Variants in GRAMD2B observed in about 807,000 individuals in gnomAD.
GRAMD2B encodes GRAM domain-containing protein 2B.
GRAMD2B carries 41 observed loss-of-function variants against 59.2 expected under a neutral mutation model. That is an observed-to-expected ratio of 0.69 (90% confidence interval 0.54 to 0.90). GRAMD2B has a LOEUF of 0.90. Ranked by LOEUF, GRAMD2B falls within the 40% of genes least tolerant of loss-of-function variation. GRAMD2B has a pLI of 0.00. For synonymous variants in GRAMD2B, 161 were observed against 182.7 expected, an observed-to-expected ratio of 0.88 and a Z score of 0.96; for missense variants, 424 against 500.5, an observed-to-expected ratio of 0.85 and a Z score of 1.46.
chr5:126,418,464 C>T (rs1272670064), upstream of GRAMD2B, among the ~76,000 whole-genome samples: 1 of 152,166 alleles, frequency 6.6e-6, no homozygotes, highest in Admixed American at 6.5e-5. Flanking sequence ...TGCCATCTTG[C>T]CTATTCCTCT....
At chr5:126,416,475 A>G (rs1261416012) in intron 1 of GRAMD2B, among the ~76,000 whole-genome samples, 2 of 152,226 alleles carry the variant, frequency 1.3e-5, no homozygotes, top group Non-Finnish European at 2.9e-5. Flanking sequence ...ACAAATATTT[A>G]TTGAGCATCT....
Position 126,466,291 on chromosome 5 carries a change from C to T in GRAMD2B, c.203+746C>T, listed in dbSNP as rs1768375731. On this transcript the variant is annotated intron_variant, in intron 2 of 13. Transcript: ENST00000285689. ...GCTTTTTGCTTCCTTCCTGGCTTCC[C>T]AGCCCATATCTTCTCTCCAAATCTA... is the stretch of plus-strand genomic sequence containing the variant. 3 of 1,532,516 alleles carry T rather than the reference C, an allele frequency of 2.0e-6. No homozygotes were observed. The South Asian group carries it at 3.6e-5, about 18-fold the overall frequency. 94.9% of individuals were successfully genotyped at this position (1,532,516 alleles called of 1,614,324 possible).
At chr5:126,360,123 C>T (rs989884058), upstream of GRAMD2B, 6 of 539,412 alleles carry the variant, frequency 1.1e-5, no homozygotes, top group Non-Finnish European at 2.0e-5. Context: ...TTTCTGTGGT[C>T]ATTTGCTTTC....
intron 1 of GRAMD2B, among the ~76,000 whole-genome samples, chr5:126,363,646 T>C (rs1210499659): frequency 3.3e-5 from 5 of 152,156 alleles, no homozygotes; most frequent in African/African-American, 4.8e-5. Flanking sequence ...TTTGAAAACA[T>C]TGTAGGTGAA....
At chr5:126,446,149 C>T (rs925386647) in intron 1 of GRAMD2B, among the ~76,000 whole-genome samples, 1 of 152,128 alleles carries the variant, frequency 6.6e-6, no homozygotes, top group Non-Finnish European at 1.5e-5. Context: ...AAATCAATTA[C>T]AATTTTTAGC....
At chr5:126,409,866 T>C (rs1252643791) in intron 1 of GRAMD2B, among the ~76,000 whole-genome samples, 4 of 152,054 alleles carry the variant, frequency 2.6e-5, no homozygotes, top group African/African-American at 7.3e-5. Flanking sequence ...AATTTTTGTA[T>C]AAGGTGTAAG....
intron 1 of GRAMD2B, among the ~76,000 whole-genome samples, chr5:126,360,988 T>C (rs534735740): frequency 5.9e-5 from 9 of 152,358 alleles, no homozygotes; most frequent in Non-Finnish European, 8.8e-5. Flanking sequence ...TATGAGCTCC[T>C]TGTAAGCAGG....
chr5:126,454,713 C>T (rs1490986808), intron 1 of GRAMD2B, among the ~76,000 whole-genome samples: 1 of 152,092 alleles, frequency 6.6e-6, no homozygotes, highest in East Asian at 1.9e-4. Flanking sequence ...GTTACTGGAG[C>T]CAGATGGTGG....
upstream of GRAMD2B, among the ~76,000 whole-genome samples, chr5:126,422,437 G>A (rs144704675): frequency 9.6e-4 from 146 of 152,292 alleles, 2 homozygotes; most frequent in East Asian, 0.027. Context: ...GACCTCAAAT[G>A]ATCCACCCGC....
At chr5:126,482,275 A>C (rs1027014773) in intron 8 of GRAMD2B, among the ~76,000 whole-genome samples, 1 of 152,232 alleles carries the variant, frequency 6.6e-6, no homozygotes, top group African/African-American at 2.4e-5. Context: ...AACATTGTGA[A>C]TATTCTAAAC....
At chr5:126,369,300 GA>G, upstream of GRAMD2B, among the ~76,000 whole-genome samples, 1 of 151,654 alleles carries the variant, frequency 6.6e-6, no homozygotes, top group East Asian at 1.9e-4. Context: ...ATGAATGAAT[GA>G]ATGAATTCCA....
exon 1 of GRAMD2B, chr5:126,371,467 A>G: frequency 7.8e-7 from 1 of 1,289,148 alleles, no homozygotes; most frequent in Non-Finnish European, 1.0e-6. Context: ...GCTGCCTTCT[A>G]GTGACACGGT....
At chr5:126,365,670 C>T (rs184686207) in intron 1 of GRAMD2B, among the ~76,000 whole-genome samples, 97 of 151,718 alleles carry the variant, frequency 6.4e-4, no homozygotes, top group Admixed American at 6.0e-3. Flanking sequence ...GGAGTATTTA[C>T]GCTGTGGAAA....
chr5:126,393,429 A>G (rs1278231706), intron 1 of GRAMD2B, among the ~76,000 whole-genome samples: 1 of 152,236 alleles, frequency 6.6e-6, no homozygotes, highest in Admixed American at 6.5e-5. Context: ...AGTTCATGGA[A>G]ATAAATAAAA....
In GRAMD2B at chr5:126,493,505, C is replaced by G. The variant is rs1211513081; in HGVS notation, c.*549C>G. On this transcript the variant is annotated 3_prime_UTR_variant, in exon 14 of 14. Coordinates refer to ENST00000285689, the MANE Select transcript of GRAMD2B (RefSeq NM_023927.4). ...TTTTTTTCAGTTCTCCTGTTATGTTCTGGTTGAAATCACCTGTGTGTCTTA... is the reference window on the plus strand; with the variant it reads ...TTTTTTTCAGTTCTCCTGTTATGTTGTGGTTGAAATCACCTGTGTGTCTTA... 1.3e-5 allele frequency: 2 copies of G among 151,882 alleles called. No individual in the cohort carries two copies. Among genetic ancestry groups the G allele is most frequent in the Admixed American group, 1.3e-4 (2 of 15,246 alleles). The allele number at this position is 151,882 out of a possible 1,614,324, so 9.4% of individuals were successfully genotyped here.
chr5:126,477,666 G>T (rs1770878265), intron 5 of GRAMD2B, 26 bp from the exon 6 acceptor site: 1 of 1,210,038 alleles, frequency 8.3e-7, no homozygotes, highest in East Asian at 2.3e-5. Flanking sequence ...GTCTGAACTG[G>T]CATTAACTTG....
At chr5:126,397,451 T>C (rs1757453865) in intron 1 of GRAMD2B, among the ~76,000 whole-genome samples, 1 of 152,148 alleles carries the variant, frequency 6.6e-6, no homozygotes, top group Non-Finnish European at 1.5e-5. Context: ...TCTTCACTCC[T>C]GAGCTCAAGT....
intron 1 of GRAMD2B, among the ~76,000 whole-genome samples, chr5:126,375,033 A>G (rs1035225613): frequency 1.3e-5 from 2 of 152,232 alleles, no homozygotes; most frequent in African/African-American, 4.8e-5. Flanking sequence ...AAATATACCA[A>G]TTCATAAACA....
At chr5:126,425,494 CTG>C (rs2149786736) in intron 1 of GRAMD2B, among the ~76,000 whole-genome samples, 1 of 152,328 alleles carries the variant, frequency 6.6e-6, no homozygotes, top group Non-Finnish European at 1.5e-5. Flanking sequence ...CAGGCAGGGA[CTG>C]TGGCTCATGC....
Sources: gnomAD v4.1 joint callset for allele counts (sites outside exome capture counted in the v4.1 genomes callset) on GRCh38, gnomAD v4.1.1 for gene constraint, MANE v1.5 for transcripts, NCBI Gene and HGNC (gene_info 2026-07-23, HGNC 2026-07-21) for gene names.